The following PLCE1 variants were observed in gnomAD, a reference collection of about 807,000 sequenced individuals.
PLCE1 encodes phospholipase C epsilon 1.
In PLCE1, 119 loss-of-function variants were observed where a neutral mutation model predicts 242.8. The ratio of observed to expected loss-of-function variants is 0.49; its 90% CI spans 0.42 to 0.57. The LOEUF (loss-of-function observed/expected upper bound fraction) is 0.57. PLCE1 is among the 20% of genes least tolerant of loss of function. The pLI, the probability that PLCE1 is intolerant of heterozygous loss-of-function variation, is 0.00. For missense variants in PLCE1, 2,441 were observed against 2,788.8 expected (o/e 0.88, Z 2.81); for synonymous variants, 945 against 1,017.4 (o/e 0.93, Z 1.35).
intron 4 of PLCE1, among the ~76,000 whole-genome samples, chr10:94,175,355 G>T (rs573880175): frequency 3.6e-5 from 5 of 140,516 alleles, no homozygotes; most frequent in African/African-American, 1.3e-4. Context: ...CATTATCTAG[G>T]TTCCTGCCAT....
intron 7 of PLCE1, among the ~76,000 whole-genome samples, chr10:94,239,775 A>G (rs2050441799): frequency 6.6e-6 from 1 of 152,254 alleles, no homozygotes; most frequent in South Asian, 2.1e-4. Flanking sequence ...ATGAGAAAGT[A>G]GAATATCTGA....
chr10:94,086,252 A>G (rs569371278), intron 2 of PLCE1, among the ~76,000 whole-genome samples: 18 of 152,334 alleles, frequency 1.2e-4, no homozygotes, highest in African/African-American at 4.3e-4. Flanking sequence ...AATTGCCTTT[A>G]GAACTGATTT....
At chr10:94,049,092 G>A (rs570603960) in intron 2 of PLCE1, among the ~76,000 whole-genome samples, 3 of 151,868 alleles carry the variant, frequency 2.0e-5, no homozygotes, top group African/African-American at 7.2e-5. Context: ...ATCTTTTTTT[G>A]TTTGTGTATA....
At chr10:94,232,336 TC>T (rs1193566016) in intron 5 of PLCE1, among the ~76,000 whole-genome samples, 1 of 152,216 alleles carries the variant, frequency 6.6e-6, no homozygotes, top group African/African-American at 2.4e-5. Flanking sequence ...CTTCTTCCCT[TC>T]CTTACGTTTC....
chr10:94,194,986 G>C (rs1214745405), intron 4 of PLCE1, among the ~76,000 whole-genome samples: 1 of 152,112 alleles, frequency 6.6e-6, no homozygotes, highest in Non-Finnish European at 1.5e-5. Context: ...TGATTACAAA[G>C]GTGGTAGATA....
At chr10:94,208,565 G>T (rs1332239043) in intron 4 of PLCE1, among the ~76,000 whole-genome samples, 2 of 152,160 alleles carry the variant, frequency 1.3e-5, no homozygotes, top group African/African-American at 2.4e-5. Context: ...ATCATAATCT[G>T]CATTTTAATA....
chr10:94,321,562 AG>A (rs2053801821), intron 29 of PLCE1, among the ~76,000 whole-genome samples: 2 of 149,264 alleles, frequency 1.3e-5, no homozygotes, highest in African/African-American at 4.9e-5. Context: ...CAGGAGGTGG[AG>A]GCTGCAGTGA....
chr10:94,211,864 T>G (rs1268527254), intron 4 of PLCE1, among the ~76,000 whole-genome samples: 1 of 152,188 alleles, frequency 6.6e-6, no homozygotes, highest in African/African-American at 2.4e-5. Context: ...GAACTACTGG[T>G]GGAGACAAGC....
intron 3 of PLCE1, among the ~76,000 whole-genome samples, chr10:94,152,028 A>C (rs1478936777): frequency 6.6e-6 from 1 of 152,160 alleles, no homozygotes; most frequent in Non-Finnish European, 1.5e-5. Context: ...TGGATTAAAG[A>C]CTTAAATGTA....
chr10:94,129,614 A>C (rs1272915268), intron 2 of PLCE1, among the ~76,000 whole-genome samples: 1 of 152,230 alleles, frequency 6.6e-6, no homozygotes, highest in Non-Finnish European at 1.5e-5. Context: ...TAGTGAGCAA[A>C]TGCACAATGA....
At chr10:94,115,293 T>C (rs1406722655) in intron 2 of PLCE1, among the ~76,000 whole-genome samples, 2 of 152,228 alleles carry the variant, frequency 1.3e-5, no homozygotes, top group Non-Finnish European at 2.9e-5. Context: ...AGTAATGGGA[T>C]GGCTGGGTCA....
At position 94,313,353 on chromosome 10, in the gene PLCE1, G is replaced by A; in HGVS notation, c.6103G>A (p.Gly2035Ser). 1 of 1,614,184 alleles carries A rather than the reference G, an allele frequency of 6.2e-7. No homozygotes were observed. The highest frequency in any genetic ancestry group is 2.2e-5 in the East Asian group (1 of 44,880). ...CTTTACCGTTTTCACTATTAATGGA[G>A]GCACCAAGGCAAAGCAGCTTCTGCA... Reference protein sequence around the residue: ...EPFTVFTINGGTKAKQLLQQI... With the variant: ...EPFTVFTINGSTKAKQLLQQI... Residue 2035 changes from glycine (G) to serine (S), a missense_variant, in exon 28 of 33, where the codon GGC becomes AGC. Gly to Ser is a moderately conservative substitution (Grantham distance 56). Transcript: ENST00000371380.
chr10:94,317,735 T>C (rs2053625914), intron 29 of PLCE1, among the ~76,000 whole-genome samples: 1 of 151,910 alleles, frequency 6.6e-6, no homozygotes, highest in Admixed American at 6.6e-5. Context: ...ATGAAGCACT[T>C]TTTTTTTTCC....
intron 2 of PLCE1, among the ~76,000 whole-genome samples, chr10:94,080,748 A>G (rs138622247): frequency 7.0e-4 from 106 of 152,302 alleles, no homozygotes; most frequent in Non-Finnish European, 1.2e-3. Flanking sequence ...TTGTTTCTTA[A>G]TATCAACAGG....
At chr10:94,053,444 CTT>C (rs2043817689) in intron 2 of PLCE1, among the ~76,000 whole-genome samples, 1 of 152,224 alleles carries the variant, frequency 6.6e-6, no homozygotes, top group African/African-American at 2.4e-5. Flanking sequence ...TTGCCACAGT[CTT>C]TATTTGTTAG....
intron 2 of PLCE1, among the ~76,000 whole-genome samples, chr10:94,127,018 G>A (rs547610470): frequency 5.6e-4 from 86 of 152,250 alleles, no homozygotes; most frequent in African/African-American, 2.0e-3. Flanking sequence ...CCTCTTACTA[G>A]GTGTGTAAGG....
intron 2 of PLCE1, among the ~76,000 whole-genome samples, chr10:94,071,109 G>A (rs2044339341): frequency 1.3e-5 from 2 of 152,092 alleles, no homozygotes; most frequent in African/African-American, 2.4e-5. Context: ...TAAGTGCTGC[G>A]GCTGAGCCCT....
chr10:94,099,146 A>G (rs1225893423), intron 2 of PLCE1, among the ~76,000 whole-genome samples: 1 of 152,230 alleles, frequency 6.6e-6, no homozygotes, highest in African/African-American at 2.4e-5. Context: ...TTGACTCTTA[A>G]CAGCTGGGTG....
chr10:94,221,124 A>G (rs1198320485), intron 4 of PLCE1, among the ~76,000 whole-genome samples: 2 of 152,356 alleles, frequency 1.3e-5, no homozygotes, highest in Admixed American at 6.5e-5. Context: ...ACTCCAGCGC[A>G]TATAAGAATC....
Sources: allele counts gnomAD v4.1 joint callset (sites outside exome capture counted in the v4.1 genomes callset), GRCh38; gene constraint gnomAD v4.1.1; transcripts MANE v1.5; gene names NCBI Gene and HGNC (gene_info 2026-07-23, HGNC 2026-07-21).